The following SLC7A1 variants were observed in gnomAD, a reference collection of about 807,000 sequenced individuals.
SLC7A1 encodes high affinity cationic amino acid transporter 1.
In SLC7A1, 10 loss-of-function variants were observed where a neutral mutation model predicts 53.9. The observed-to-expected ratio is 0.19, with a 90% confidence interval of 0.11 to 0.31. The LOEUF (loss-of-function observed/expected upper bound fraction) is 0.31, where lower values mean the gene tolerates loss of function less well. SLC7A1 is among the 10% of genes least tolerant of loss of function. The pLI, the probability that SLC7A1 is intolerant of heterozygous loss-of-function variation, is 1.00. For synonymous variants in SLC7A1, 342 were observed against 338.7 expected (o/e 1.01, Z -0.11); for missense variants, 525 against 827.2 (o/e 0.63, Z 4.48).
intron 10 of SLC7A1, 33 bp downstream of exon 10, chr13:29,517,540 C>T (rs1593538664): frequency 1.9e-6 from 3 of 1,558,844 alleles, no homozygotes; most frequent in African/African-American, 2.7e-5. Flanking sequence ...GCAATGCCAA[C>T]AAGCAAGGCC....
chr13:29,566,170 T>C (rs1005995305), intron 1 of SLC7A1, among the ~76,000 whole-genome samples: 1 of 152,238 alleles, frequency 6.6e-6, no homozygotes, highest in Admixed American at 6.5e-5. Context: ...TTCTGTGTAT[T>C]GTCCCACAAT....
intron 1 of SLC7A1, among the ~76,000 whole-genome samples, chr13:29,562,801 G>A (rs997180353): frequency 6.6e-6 from 1 of 152,144 alleles, no homozygotes; most frequent in African/African-American, 2.4e-5. Context: ...AATATTTGTG[G>A]TTCTATAATA....
chr13:29,546,280 T>C (rs949073189), intron 2 of SLC7A1, among the ~76,000 whole-genome samples: 3 of 152,250 alleles, frequency 2.0e-5, no homozygotes, highest in East Asian at 1.9e-4. Flanking sequence ...TGGAAATGGC[T>C]ATGGAACTGG....
chr13:29,545,722 T>C (rs1052108559), intron 2 of SLC7A1, among the ~76,000 whole-genome samples: 1 of 151,802 alleles, frequency 6.6e-6, no homozygotes, highest in Non-Finnish European at 1.5e-5. Context: ...GTCACCAGGG[T>C]TTCCCTTCAT....
intron 1 of SLC7A1, among the ~76,000 whole-genome samples, chr13:29,592,743 G>T (rs35332203): frequency 0.14 from 21,132 of 152,096 alleles, 1,645 homozygotes; most frequent in Middle Eastern, 0.27. Context: ...GTTCCCTCAC[G>T]GGAAGAGAGG....
chr13:29,520,440 C>T (rs1021338451), intron 8 of SLC7A1, among the ~76,000 whole-genome samples: 17 of 152,206 alleles, frequency 1.1e-4, no homozygotes, highest in Non-Finnish European at 2.2e-4. Context: ...AGTCACTTCA[C>T]GTGGAAGAAA....
intron 9 of SLC7A1, among the ~76,000 whole-genome samples, chr13:29,518,881 C>G (rs1281765865): frequency 6.6e-6 from 1 of 152,030 alleles, no homozygotes; most frequent in Non-Finnish European, 1.5e-5. Context: ...CAAGCCTAGG[C>G]CCAGAGCAGC....
intron 5 of SLC7A1, among the ~76,000 whole-genome samples, chr13:29,526,067 C>G (rs774797384): frequency 3.9e-5 from 6 of 152,178 alleles, no homozygotes; most frequent in Non-Finnish European, 2.9e-5. Flanking sequence ...GAGGGGAACT[C>G]AAGAGTCAAA....
chr13:29,519,120 C>G (rs748406257), intron 9 of SLC7A1, among the ~76,000 whole-genome samples: 1 of 152,184 alleles, frequency 6.6e-6, no homozygotes, highest in African/African-American at 2.4e-5. Context: ...TCCCAAGAAT[C>G]TGAACCAAGT....
At chr13:29,555,505 T>C (rs1160770870) in intron 1 of SLC7A1, among the ~76,000 whole-genome samples, 1 of 151,936 alleles carries the variant, frequency 6.6e-6, no homozygotes, top group African/African-American at 2.4e-5. Flanking sequence ...CTGCTATTTC[T>C]TGATGCTCTA....
chr13:29,532,801 C>G, intron 4 of SLC7A1, 23 bp downstream of exon 4: 1 of 1,596,016 alleles, frequency 6.3e-7, no homozygotes, highest in East Asian at 2.3e-5. Context: ...CTGACCCGAT[C>G]TCTTTTTAAG....
At chr13:29,527,853 G>C (rs1046692916) in intron 5 of SLC7A1, among the ~76,000 whole-genome samples, 4 of 152,188 alleles carry the variant, frequency 2.6e-5, no homozygotes, top group Non-Finnish European at 4.4e-5. Context: ...ACACTCCCCT[G>C]TTCTTCTACG....
chr13:29,569,125 G>T (rs1428776276), intron 1 of SLC7A1, among the ~76,000 whole-genome samples: 1 of 152,016 alleles, frequency 6.6e-6, no homozygotes, highest in Non-Finnish European at 1.5e-5. Flanking sequence ...GTCTGAAATC[G>T]CATCCTGTTT....
intron 1 of SLC7A1, among the ~76,000 whole-genome samples, chr13:29,581,732 C>T (rs1399501264): frequency 6.6e-6 from 1 of 152,234 alleles, no homozygotes; most frequent in African/African-American, 2.4e-5. Context: ...TCATCTCCCA[C>T]CTCATCTGCC....
At chr13:29,540,562 CGGATCA>C (rs1566261578) in intron 2 of SLC7A1, among the ~76,000 whole-genome samples, 8 of 152,222 alleles carry the variant, frequency 5.3e-5, no homozygotes, top group African/African-American at 1.7e-4. Flanking sequence ...TTGAATTTAA[CGGATCA>C]TTCCACCACT....
intron 1 of SLC7A1, among the ~76,000 whole-genome samples, chr13:29,563,562 C>A (rs1331832805): frequency 2.0e-5 from 3 of 152,192 alleles, no homozygotes; most frequent in Admixed American, 1.3e-4. Flanking sequence ...GATGAAAAGA[C>A]GTAGGAGACG....
intron 4 of SLC7A1, among the ~76,000 whole-genome samples, chr13:29,532,522 C>T (rs1038809551): frequency 2.0e-5 from 3 of 152,284 alleles, no homozygotes; most frequent in African/African-American, 4.8e-5. Context: ...GACACTCACA[C>T]AAAAAGCCTG....
intron 1 of SLC7A1, among the ~76,000 whole-genome samples, chr13:29,585,749 A>G (rs1180375540): frequency 2.6e-5 from 4 of 152,192 alleles, no homozygotes; most frequent in Non-Finnish European, 4.4e-5. Context: ...AGGAGGAATG[A>G]AACAATCTCA....
chr13:29,554,382 G>T (rs1284337228), intron 1 of SLC7A1, among the ~76,000 whole-genome samples: 2 of 152,154 alleles, frequency 1.3e-5, no homozygotes, highest in Non-Finnish European at 2.9e-5. Context: ...CAGCTGCCAT[G>T]GCAGCACAAA....
Sources: gnomAD v4.1 joint callset for allele counts (sites outside exome capture counted in the v4.1 genomes callset) on GRCh38, gnomAD v4.1.1 for gene constraint, MANE v1.5 for transcripts, NCBI Gene and HGNC (gene_info 2026-07-23, HGNC 2026-07-21) for gene names.